The following COPE variants were observed in gnomAD, a reference collection of about 807,000 sequenced individuals.
The protein encoded by COPE is coat protein complex I subunit epsilon.
A neutral mutation model predicts 42.1 loss-of-function variants in COPE; 19 were observed. The observed-to-expected ratio is 0.45, with a 90% CI of 0.31 to 0.66. COPE has a LOEUF of 0.66. Among genes scored for constraint, COPE ranks in the 30% least tolerant of loss-of-function variants. The pLI, the probability that COPE is intolerant of heterozygous loss-of-function variation, is 0.05. For missense variants in COPE, 402 were observed against 416.1 expected, an observed-to-expected ratio of 0.97 and a Z score of 0.30; for synonymous variants, 195 against 181.3, an observed-to-expected ratio of 1.08 and a Z score of -0.60.
intron 4 of COPE, chr19:18,906,156 C>T (rs2056757224): frequency 5.0e-6 from 2 of 396,240 alleles, no homozygotes; most frequent in Non-Finnish European, 4.4e-6. Context: ...AGCACCGAGT[C>T]GGCCGGCTCG....
intron 5 of COPE, 132 bp from the exon 6 acceptor site, chr19:18,904,984 A>AC: frequency 2.3e-6 from 2 of 873,568 alleles, no homozygotes; most frequent in Non-Finnish European, 3.6e-6. Flanking sequence ...GCATGCTCAT[A>AC]CCCCACGACT....
chr19:18,915,418 T>A (rs963179239), intron 1 of COPE, among the ~76,000 whole-genome samples: 13 of 152,198 alleles, frequency 8.5e-5, no homozygotes, highest in African/African-American at 3.1e-4. Flanking sequence ...ACAACAAATG[T>A]GCAGACCGTG....
intron 8 of COPE, among the ~76,000 whole-genome samples, chr19:18,900,179 T>C (rs1323792381): frequency 2.6e-5 from 4 of 151,120 alleles, no homozygotes; most frequent in African/African-American, 9.7e-5. Flanking sequence ...GGGGGATGTA[T>C]TGTGGTGTTC....
intron 8 of COPE, 138 bp from the exon 9 acceptor site, chr19:18,900,085 C>G (rs899420078): frequency 1.9e-5 from 13 of 697,004 alleles, no homozygotes; most frequent in Non-Finnish European, 3.0e-5. Flanking sequence ...CTGGGCTGAT[C>G]TCGGAGAACC....
chr19:18,903,525 C>T (rs1388392327), intron 6 of COPE, 102 bp from the exon 7 acceptor site: 25 of 1,359,706 alleles, frequency 1.8e-5, no homozygotes, highest in South Asian at 6.2e-5. Context: ...TGCACAGAGA[C>T]GAATCTGGTG....
chr19:18,900,079 G>A, intron 8 of COPE, 132 bp from the exon 9 acceptor site: 2 of 747,034 alleles, frequency 2.7e-6, no homozygotes, highest in Non-Finnish European at 4.3e-6. Context: ...TTGGGACTGG[G>A]CTGATCTCGG....
chr19:18,905,645 A>AG lies in COPE; in HGVS notation c.444-17dup. 2 of 1,588,388 alleles carry AG rather than the reference A, an allele frequency of 1.3e-6. No homozygotes were observed. Among genetic ancestry groups the AG allele is most frequent in the Non-Finnish European group, 8.5e-7 (1 of 1,175,934 alleles). Reference sequence around the variant, plus strand: ...CATGGCTGTGCTGCAGGACAGGGCGAGGGGGCGGTCAGCGGGTCGCCACAG... The same window carrying AG: ...CATGGCTGTGCTGCAGGACAGGGCGAGGGGGGCGGTCAGCGGGTCGCCACAG... On this transcript the variant is annotated splice_polypyrimidine_tract_variant and intron_variant, in intron 4 of 9. Transcript: ENST00000262812.
rs2056718795 is a variant in COPE at position 18,902,786 on chromosome 19, AAGGAAGGAAG to A, written c.735+472_735+481del. On this transcript the variant is annotated intron_variant, in intron 7 of 9. Coordinates refer to ENST00000262812, the MANE Select transcript of COPE (RefSeq NM_007263.4). ...AAGGAAGGGAAAGAAGGAAGGAAGG[AAGGAAGGAAG>A]GAAGGAAGGAAGGAAGGAAGGAAGG... Among the ~76,000 whole-genome samples, 4 of 68,400 alleles carry A rather than the reference AAGGAAGGAAG, an allele frequency of 5.8e-5. 2 individuals are homozygous for A. The highest frequency in any genetic ancestry group is 1.1e-4 in the Non-Finnish European group (4 of 36,200). The allele number at this position is 68,400 out of a possible 152,430, so 44.9% of individuals were successfully genotyped here.
rs1046072339 is a variant in COPE, at chr19:18,899,587, G to C, written c.*92C>G. 7.3e-7 allele frequency: 1 copy of C among 1,376,842 alleles called. No homozygotes were observed. Among genetic ancestry groups the C allele is most frequent in the East Asian group, 2.3e-5 (1 of 43,306 alleles). 85.3% of individuals were successfully genotyped at this position (1,376,842 alleles called of 1,614,324 possible). A position where few individuals can be genotyped will look rare whatever the true frequency, so the allele number is the denominator to read the frequency against. ...CTGGGGGTGGGCTCCTGCCCCCAGA[G>C]GGGATGCAGGTGGATGCCGGGTGGG... On this transcript the variant is annotated 3_prime_UTR_variant, in exon 10 of 10. Coordinates refer to ENST00000262812, the MANE Select transcript of COPE (RefSeq NM_007263.4).
intron 1 of COPE, among the ~76,000 whole-genome samples, chr19:18,914,384 T>C (rs1300796125): frequency 6.6e-6 from 1 of 151,700 alleles, no homozygotes; most frequent in African/African-American, 2.4e-5. Flanking sequence ...TACTTAAAAA[T>C]ACAAAAATTA....
At chr19:18,906,121 G>A in intron 4 of COPE, 1 of 398,096 alleles carries the variant, frequency 2.5e-6, no homozygotes, top group Non-Finnish European at 4.4e-6. Context: ...TTGTTTTCCT[G>A]CCAACAGGAG....
intron 1 of COPE, among the ~76,000 whole-genome samples, chr19:18,918,207 A>AC (rs1467660996): frequency 6.7e-6 from 1 of 150,182 alleles, no homozygotes; most frequent in Non-Finnish European, 1.5e-5. Flanking sequence ...AAAAAAAGAA[A>AC]AGAAAAGAAA....
Position 18,911,060 on chromosome 19 carries a change from A to G in COPE, c.201T>C (p.Gly67=). The stretch of plus-strand genomic sequence containing the variant: ...AGGGCTTGATCTCATCCAGGACCAC[A>G]CCGAACTTCCTCTGCAGTAGGGACG... ...YRAYLAQRKF[G]VVLDEIKPSS... The change falls in exon 3 of 10, where the codon GGT becomes GGC. Residue 67 remains glycine (G), a synonymous_variant. Coordinates refer to ENST00000262812, the MANE Select transcript of COPE (RefSeq NM_007263.4). 1.2e-6 allele frequency: 2 copies of G among 1,613,914 alleles called. No homozygotes were observed. The highest frequency in any genetic ancestry group is 2.2e-5 in the South Asian group (2 of 91,084).
chr19:18,909,581 C>T (rs1475383034), intron 3 of COPE, among the ~76,000 whole-genome samples: 7 of 150,024 alleles, frequency 4.7e-5, no homozygotes, highest in Admixed American at 3.4e-4. Flanking sequence ...TGCACTAGTG[C>T]GATCTTGGCT....
chr19:18,913,677 G>A (rs1485988442), intron 1 of COPE, among the ~76,000 whole-genome samples: 2 of 152,246 alleles, frequency 1.3e-5, no homozygotes, highest in Non-Finnish European at 2.9e-5. Flanking sequence ...GGGTGCCCAT[G>A]GCAGGTGGGC....
At chr19:18,900,312 C>A in intron 8 of COPE, 69 bp downstream of exon 8, 1 of 1,315,552 alleles carries the variant, frequency 7.6e-7, no homozygotes, top group Non-Finnish European at 1.0e-6. Flanking sequence ...GGGATTAGGG[C>A]CTGGACCCCA....
At chr19:18,900,113 G>A in intron 8 of COPE, 166 bp from the exon 9 acceptor site, 1 of 630,478 alleles carries the variant, frequency 1.6e-6, no homozygotes. Context: ...TGGGGGTGGA[G>A]GGATGGGCCT....
At chr19:18,903,125 C>G (rs1248164512) in intron 7 of COPE, 143 bp downstream of exon 7, 9 of 815,140 alleles carry the variant, frequency 1.1e-5, no homozygotes, top group Non-Finnish European at 1.6e-5. Context: ...GTGGATCTCG[C>G]TGCTGACTGG....
At chr19:18,901,301 C>T (rs1389360120) in intron 7 of COPE, among the ~76,000 whole-genome samples, 3 of 152,238 alleles carry the variant, frequency 2.0e-5, no homozygotes, top group Admixed American at 6.5e-5. Flanking sequence ...ACAAAAGCCC[C>T]CAGAGGATGC....
Sources: allele counts gnomAD v4.1 joint callset (sites outside exome capture counted in the v4.1 genomes callset), GRCh38; gene constraint gnomAD v4.1.1; transcripts MANE v1.5; gene names NCBI Gene and HGNC (gene_info 2026-07-23, HGNC 2026-07-21).